PLEKHM3: variants seen among roughly 807,000 people sequenced by gnomAD.
The protein encoded by PLEKHM3 is pleckstrin homology domain-containing family M member 3.
PLEKHM3 carries 45 observed loss-of-function variants against 81.8 expected under a neutral mutation model. The ratio of observed to expected loss-of-function variants is 0.55; its 90% CI spans 0.43 to 0.71. The LOEUF (loss-of-function observed/expected upper bound fraction) is 0.71. Among genes scored for constraint, PLEKHM3 ranks in the 30% least tolerant of loss-of-function variants. The probability of loss-of-function intolerance (pLI) is 0.00; values close to 1 mark genes in which losing one functional copy is unlikely to be tolerated. For synonymous variants in PLEKHM3, 352 were observed against 356.4 expected (o/e 0.99, Z 0.14); for missense variants, 788 against 924.3 (o/e 0.85, Z 1.91).
chr2:208,019,093 G>T (rs1693029846), intron 1 of PLEKHM3, among the ~76,000 whole-genome samples: 1 of 151,884 alleles, frequency 6.6e-6, no homozygotes, highest in Non-Finnish European at 1.5e-5. Flanking sequence ...GGAGGCTAGG[G>T]GTTCAAGACC....
rs1449041037 is a variant in PLEKHM3, at chr2:207,978,967, A to C, written c.611-1381T>G. ...CAGTTCCACTAAGGGCAAGGGTAAG[A>C]TCTGTCTTTTCATTCTTAGACCACA... On this transcript the variant is annotated intron_variant, in intron 2 of 7. Transcript: ENST00000427836. 2.6e-5 allele frequency among the ~76,000 whole-genome samples: 4 copies of C among 152,172 alleles called. No homozygotes were observed. In the East Asian group the frequency reaches 7.7e-4, roughly 29 times the overall value.
chr2:207,871,872 G>T (rs2092536579), intron 6 of PLEKHM3, among the ~76,000 whole-genome samples: 1 of 152,186 alleles, frequency 6.6e-6, no homozygotes, highest in Non-Finnish European at 1.5e-5. Context: ...CTCATAGATG[G>T]TCAGCAGAAT....
intron 6 of PLEKHM3, among the ~76,000 whole-genome samples, chr2:207,904,043 C>T (rs1289327639): frequency 6.6e-6 from 1 of 152,144 alleles, no homozygotes; most frequent in African/African-American, 2.4e-5. Context: ...CCTCAGTTTC[C>T]CCATTCAAAA....
At chr2:207,889,434 A>AACAC (rs35082335) in intron 6 of PLEKHM3, among the ~76,000 whole-genome samples, 19,173 of 128,746 alleles carry the variant, frequency 0.15, 1,747 homozygotes, top group East Asian at 0.24. Context: ...GGTTTTTTTC[A>AACAC]ACACACACAC....
intron 3 of PLEKHM3, among the ~76,000 whole-genome samples, chr2:207,957,106 G>A (rs1690540818): frequency 6.6e-6 from 1 of 152,144 alleles, no homozygotes. Flanking sequence ...TGACTCATGT[G>A]AGAAATCCAT....
At chr2:208,024,767 A>G (rs1251115011) in intron 1 of PLEKHM3, among the ~76,000 whole-genome samples, 1 of 152,246 alleles carries the variant, frequency 6.6e-6, no homozygotes, top group East Asian at 1.9e-4. Flanking sequence ...GCATGGCTCA[A>G]TCTCAGTTTA....
chr2:207,995,410 A>G (rs1055010006), intron 2 of PLEKHM3, among the ~76,000 whole-genome samples: 2 of 152,170 alleles, frequency 1.3e-5, no homozygotes, highest in African/African-American at 2.4e-5. Context: ...ACCCCCATAG[A>G]GATTTACTGC....
intron 2 of PLEKHM3, among the ~76,000 whole-genome samples, chr2:207,990,813 C>A (rs1199988011): frequency 6.6e-6 from 1 of 152,200 alleles, no homozygotes; most frequent in Non-Finnish European, 1.5e-5. Flanking sequence ...TCTATGGCTA[C>A]TTTGGAGACT....
chr2:207,991,316 C>A (rs951217827), intron 2 of PLEKHM3, among the ~76,000 whole-genome samples: 7 of 152,156 alleles, frequency 4.6e-5, no homozygotes, highest in Non-Finnish European at 2.9e-5. Flanking sequence ...CTTGATGCAG[C>A]CTACAGAATT....
intron 1 of PLEKHM3, among the ~76,000 whole-genome samples, chr2:208,020,801 A>C (rs140036787): frequency 6.6e-6 from 1 of 152,320 alleles, no homozygotes; most frequent in African/African-American, 2.4e-5. Flanking sequence ...CCAGCAACCA[A>C]TGGGGCCACA....
rs79543562 is a variant in PLEKHM3 at position 208,006,543 on chromosome 2, C to T, written c.-318-4586G>A. Among the ~76,000 whole-genome samples, 141 of 152,320 alleles carry T rather than the reference C, an allele frequency of 9.3e-4. 1 individual carries two copies. The highest frequency in any genetic ancestry group is 1.7e-3 in the Non-Finnish European group (115 of 68,030). Reference sequence around the variant, plus strand: ...CTGTATCCCATAGAGTTGCTAACATCGAATTGCTTTGCGTGTGGATCATTC... The same window carrying T: ...CTGTATCCCATAGAGTTGCTAACATTGAATTGCTTTGCGTGTGGATCATTC... On this transcript the variant is annotated intron_variant, in intron 1 of 7. Transcript: ENST00000427836.
At chr2:207,874,263 C>T (rs754886454) in intron 6 of PLEKHM3, among the ~76,000 whole-genome samples, 3 of 152,048 alleles carry the variant, frequency 2.0e-5, no homozygotes, top group African/African-American at 2.4e-5. Context: ...AGCTGGATCC[C>T]TAACTCATCT....
At position 207,823,112 on chromosome 2, in the gene PLEKHM3, T is replaced by G. The variant is rs1195891837; in HGVS notation, c.*5207A>C. ...ACCAGCTTCATTCAAAGTCTGGAACTTCATTCAAAGTCTGGAACTTCATTC... is the reference window on the plus strand; with the variant it reads ...ACCAGCTTCATTCAAAGTCTGGAACGTCATTCAAAGTCTGGAACTTCATTC... On this transcript the variant is annotated 3_prime_UTR_variant, in exon 8 of 8. Transcript: ENST00000427836. 6.6e-6 allele frequency: 1 copy of G among 152,032 alleles called. No homozygotes were observed. The highest frequency in any genetic ancestry group is 1.5e-5 in the Non-Finnish European group (1 of 68,022). 9.4% of individuals were successfully genotyped at this position (152,032 alleles called of 1,614,324 possible).
chr2:207,996,874 T>C (rs1692137647), intron 2 of PLEKHM3, among the ~76,000 whole-genome samples: 1 of 152,232 alleles, frequency 6.6e-6, no homozygotes, highest in East Asian at 1.9e-4. Context: ...AATTATATCA[T>C]TAAATGTTTA....
At chr2:207,898,108 C>G (rs1688284188) in intron 6 of PLEKHM3, among the ~76,000 whole-genome samples, 1 of 152,176 alleles carries the variant, frequency 6.6e-6, no homozygotes, top group Non-Finnish European at 1.5e-5. Context: ...CCTCCAAATT[C>G]CTTCTCGTAA....
At chr2:207,928,242 G>C (rs1401226947) in intron 5 of PLEKHM3, among the ~76,000 whole-genome samples, 3 of 152,198 alleles carry the variant, frequency 2.0e-5, no homozygotes, top group Non-Finnish European at 4.4e-5. Context: ...TAGGCAGACT[G>C]CTCCACCCAT....
chr2:207,920,934 C>T (rs367845623), intron 5 of PLEKHM3, among the ~76,000 whole-genome samples: 4 of 152,268 alleles, frequency 2.6e-5, no homozygotes, highest in Admixed American at 1.3e-4. Context: ...CTCAGCAATC[C>T]GCCTCCCTGT....
At chr2:208,015,920 A>C (rs1334213608) in intron 1 of PLEKHM3, among the ~76,000 whole-genome samples, 1 of 152,252 alleles carries the variant, frequency 6.6e-6, no homozygotes, top group African/African-American at 2.4e-5. Context: ...CTGGCCAGGC[A>C]CGGTGGCTCA....
At chr2:207,948,343 T>C (rs1342778954) in intron 3 of PLEKHM3, among the ~76,000 whole-genome samples, 6 of 137,628 alleles carry the variant, frequency 4.4e-5, no homozygotes, top group Non-Finnish European at 7.8e-5. Context: ...TAGAAACTCC[T>C]CAGATCTTTT....
Sources: allele counts gnomAD v4.1 joint callset (sites outside exome capture counted in the v4.1 genomes callset), GRCh38; gene constraint gnomAD v4.1.1; transcripts MANE v1.5; gene names NCBI Gene and HGNC (gene_info 2026-07-23, HGNC 2026-07-21).